Variants in ABTB3 observed in about 807,000 individuals in gnomAD.
The protein encoded by ABTB3 is ankyrin repeat and BTB domain containing 3.
chr12:107,656,429 A>AC, the ABTB3 span, among the ~76,000 whole-genome samples: 1 of 152,228 alleles, frequency 6.6e-6, no homozygotes, highest in African/African-American at 2.4e-5. Flanking sequence ...TTGGCTTTGT[A>AC]CCTACTTAAT....
chr12:107,393,727 G>A, the ABTB3 span, among the ~76,000 whole-genome samples: 5 of 152,116 alleles, frequency 3.3e-5, no homozygotes, highest in East Asian at 1.9e-4. Flanking sequence ...TCAGGAGATC[G>A]AGACCATCCT....
the ABTB3 span, among the ~76,000 whole-genome samples, chr12:107,526,591 C>T: frequency 6.6e-6 from 1 of 152,090 alleles, no homozygotes; most frequent in Non-Finnish European, 1.5e-5. Flanking sequence ...AGTTAAACCC[C>T]CAGCTGACAG....
the ABTB3 span, among the ~76,000 whole-genome samples, chr12:107,525,101 G>T: frequency 6.6e-6 from 1 of 151,982 alleles, no homozygotes; most frequent in South Asian, 2.1e-4. Flanking sequence ...TGATGTGAGC[G>T]GATTGCTTGA....
chr12:107,612,099 A>T, the ABTB3 span, among the ~76,000 whole-genome samples: 1 of 152,228 alleles, frequency 6.6e-6, no homozygotes, highest in African/African-American at 2.4e-5. Flanking sequence ...GTGTGGTGTG[A>T]GAAAAGTCTC....
At chr12:107,328,340 A>G in the ABTB3 span, among the ~76,000 whole-genome samples, 5 of 152,236 alleles carry the variant, frequency 3.3e-5, no homozygotes, top group Non-Finnish European at 7.3e-5. Flanking sequence ...TGACATAATG[A>G]ATGTGAAACG....
the ABTB3 span, among the ~76,000 whole-genome samples, chr12:107,475,179 G>T: frequency 6.6e-6 from 1 of 152,084 alleles, no homozygotes; most frequent in African/African-American, 2.4e-5. Flanking sequence ...CCTCCCTCTG[G>T]TATGTTTTAA....
the ABTB3 span, among the ~76,000 whole-genome samples, chr12:107,555,438 T>C: frequency 6.6e-6 from 1 of 152,236 alleles, no homozygotes; most frequent in African/African-American, 2.4e-5. Flanking sequence ...ACAACGTGCA[T>C]GTTTAGTCTG....
chr12:107,410,043 C>G, the ABTB3 span, among the ~76,000 whole-genome samples: 1 of 151,998 alleles, frequency 6.6e-6, no homozygotes, highest in South Asian at 2.1e-4. Flanking sequence ...GAAGCCCTGG[C>G]CCAGCTGAGG....
At chr12:107,424,652 A>G in the ABTB3 span, among the ~76,000 whole-genome samples, 1 of 152,122 alleles carries the variant, frequency 6.6e-6, no homozygotes, top group East Asian at 1.9e-4. Context: ...TGCTGTAAGG[A>G]AAAAAGGAAG....
the ABTB3 span, among the ~76,000 whole-genome samples, chr12:107,457,017 GC>G: frequency 1.3e-5 from 2 of 152,028 alleles, no homozygotes; most frequent in Non-Finnish European, 2.9e-5. Flanking sequence ...CCGCCACCAC[GC>G]CCAGCTAATT....
the ABTB3 span, among the ~76,000 whole-genome samples, chr12:107,461,252 T>C: frequency 6.6e-6 from 1 of 152,122 alleles, no homozygotes; most frequent in Non-Finnish European, 1.5e-5. Flanking sequence ...ATTATTACAA[T>C]TCAAGGTGAG....
chr12:107,358,902 T>C, the ABTB3 span, among the ~76,000 whole-genome samples: 1 of 152,182 alleles, frequency 6.6e-6, no homozygotes, highest in Non-Finnish European at 1.5e-5. Context: ...CACCGTCTAT[T>C]TTAAGGAGGC....
chr12:107,338,916 T>C, the ABTB3 span, among the ~76,000 whole-genome samples: 1 of 152,186 alleles, frequency 6.6e-6, no homozygotes, highest in African/African-American at 2.4e-5. Context: ...AGCCTTGGAC[T>C]CCCGGGCTCA....
chr12:107,595,163 C>CT, the ABTB3 span, among the ~76,000 whole-genome samples: 1 of 152,206 alleles, frequency 6.6e-6, no homozygotes, highest in African/African-American at 2.4e-5. Context: ...CTAAATATGA[C>CT]TGTGACTCAG....
chr12:107,332,019 A>C, the ABTB3 span, among the ~76,000 whole-genome samples: 2 of 152,166 alleles, frequency 1.3e-5, no homozygotes, highest in Non-Finnish European at 1.5e-5. Flanking sequence ...TGGCACCTTC[A>C]CAGCCTCTGA....
the ABTB3 span, among the ~76,000 whole-genome samples, chr12:107,573,380 G>T: frequency 1.3e-5 from 2 of 152,188 alleles, no homozygotes; most frequent in Non-Finnish European, 2.9e-5. Flanking sequence ...TGTACATGTT[G>T]GCGGAAAGAA....
chr12:107,608,370 C>A, the ABTB3 span, among the ~76,000 whole-genome samples: 1 of 152,190 alleles, frequency 6.6e-6, no homozygotes, highest in African/African-American at 2.4e-5. Context: ...CCTCTCACGG[C>A]TTTTAAGGAT....
chr12:107,405,760 T>C, the ABTB3 span, among the ~76,000 whole-genome samples: 1 of 152,218 alleles, frequency 6.6e-6, no homozygotes, highest in African/African-American at 2.4e-5. Flanking sequence ...CTGCCCAGGA[T>C]TGGTGCAATT....
At chr12:107,578,998 C>T in the ABTB3 span, among the ~76,000 whole-genome samples, 415 of 152,346 alleles carry the variant, frequency 2.7e-3, 8 homozygotes, top group East Asian at 0.042. Context: ...CCATTCCCTG[C>T]CCTGGTGGAG....
Sources: allele counts gnomAD v4.1 joint callset (sites outside exome capture counted in the v4.1 genomes callset), GRCh38; gene constraint gnomAD v4.1.1; transcripts MANE v1.5; gene names NCBI Gene and HGNC (gene_info 2026-07-23, HGNC 2026-07-21).